CADM2: variants seen among roughly 807,000 people sequenced by gnomAD.
CADM2 encodes immunoglobulin superfamily member 4D.
A neutral mutation model predicts 49.8 loss-of-function variants in CADM2; 12 were observed. That is an observed-to-expected ratio of 0.24 (90% CI 0.15 to 0.39). The LOEUF (loss-of-function observed/expected upper bound fraction) is 0.39, where lower values mean the gene tolerates loss of function less well. Among genes scored for constraint, CADM2 ranks in the 10% least tolerant of loss-of-function variants. The pLI, the probability that CADM2 is intolerant of heterozygous loss-of-function variation, is 1.00. For missense variants in CADM2, 378 were observed against 492.3 expected (o/e 0.77, Z 2.20); for synonymous variants, 214 against 175.4 (o/e 1.22, Z -1.74).
intron 1 of CADM2, among the ~76,000 whole-genome samples, chr3:85,007,454 A>C (rs1003159044): frequency 6.6e-6 from 1 of 152,202 alleles, no homozygotes; most frequent in African/African-American, 2.4e-5. Flanking sequence ...CCATGTGCCA[A>C]TGTCCAAAGT....
chr3:85,240,700 G>A (rs968169894), intron 1 of CADM2, among the ~76,000 whole-genome samples: 4 of 151,410 alleles, frequency 2.6e-5, no homozygotes, highest in Admixed American at 2.6e-4. Context: ...GATAAGCAAG[G>A]ATTTGAAGCT....
chr3:85,249,942 A>G (rs1229648330), intron 1 of CADM2, among the ~76,000 whole-genome samples: 3 of 151,854 alleles, frequency 2.0e-5, no homozygotes, highest in African/African-American at 7.2e-5. Context: ...TAAATTTCTA[A>G]TGAATTCTAT....
chr3:85,323,514 A>C (rs576361566), intron 1 of CADM2, among the ~76,000 whole-genome samples: 1 of 152,104 alleles, frequency 6.6e-6, no homozygotes, highest in Non-Finnish European at 1.5e-5. Context: ...CAAATCACTT[A>C]TGACCTATGC....
At chr3:85,703,895 T>A (rs12639137) in intron 1 of CADM2, among the ~76,000 whole-genome samples, 63,601 of 152,076 alleles carry the variant, frequency 0.42, 13,378 homozygotes, top group South Asian at 0.49. Flanking sequence ...AAACAGTGTC[T>A]TTCAAAATGT....
chr3:85,125,892 A>G (rs2039018426), intron 1 of CADM2, among the ~76,000 whole-genome samples: 2 of 152,324 alleles, frequency 1.3e-5, no homozygotes, highest in South Asian at 4.1e-4. Flanking sequence ...TTATCTGTAA[A>G]ATTAGAAGCC....
chr3:85,453,570 A>G (rs2037850296), intron 1 of CADM2, among the ~76,000 whole-genome samples: 3 of 152,138 alleles, frequency 2.0e-5, no homozygotes, highest in Admixed American at 1.3e-4. Flanking sequence ...CACAGTCCAG[A>G]ATATTTTCAT....
intron 1 of CADM2, among the ~76,000 whole-genome samples, chr3:85,190,040 C>T (rs1215944065): frequency 1.3e-5 from 2 of 148,236 alleles, no homozygotes; most frequent in East Asian, 4.0e-4. Flanking sequence ...GACAGACACC[C>T]AGTGAGGGAG....
rs369319116 is a variant in CADM2 at position 85,689,235 on chromosome 3, C to T, written c.62-37287C>T. Among the ~76,000 whole-genome samples the T allele has an allele frequency of 7.2e-5, 11 of 152,216 alleles. No individual in the cohort carries two copies. The South Asian group carries it at 1.5e-3, about 20-fold the overall frequency. On this transcript the variant is annotated intron_variant, in intron 1 of 9. Transcript: ENST00000383699. ...CTAAACTGTAATGACAGAACGATCA[C>T]GGGAACCTGTGGATGGAGGTGGGGG...
At chr3:85,185,330 G>T (rs1006286960) in intron 1 of CADM2, among the ~76,000 whole-genome samples, 22 of 144,956 alleles carry the variant, frequency 1.5e-4, no homozygotes, top group Non-Finnish European at 4.6e-5. Context: ...AACAAAAAAT[G>T]AAAAAAAAAA....
chr3:85,033,289 AT>A (rs2035066034), intron 1 of CADM2, among the ~76,000 whole-genome samples: 1 of 152,160 alleles, frequency 6.6e-6, no homozygotes, highest in African/African-American at 2.4e-5. Flanking sequence ...CCTGATTGGA[AT>A]TTTACTCCCA....
chr3:85,302,302 A>G (rs2044121007), intron 1 of CADM2, among the ~76,000 whole-genome samples: 1 of 152,042 alleles, frequency 6.6e-6, no homozygotes, highest in African/African-American at 2.4e-5. Context: ...TCCAGGATAC[A>G]TCCCAGACTT....
At chr3:84,966,878 A>G (rs375979663) in intron 1 of CADM2, among the ~76,000 whole-genome samples, 1 of 152,060 alleles carries the variant, frequency 6.6e-6, no homozygotes, top group South Asian at 2.1e-4. Context: ...TCCAGGGGTT[A>G]AATACTGATG....
chr3:85,109,901 T>C (rs1197813874), intron 1 of CADM2, among the ~76,000 whole-genome samples: 1 of 151,936 alleles, frequency 6.6e-6, no homozygotes, highest in Non-Finnish European at 1.5e-5. Flanking sequence ...AGCTGTGAAA[T>C]TTTTGATGTT....
chr3:84,968,071 C>G (rs901968644), intron 1 of CADM2, among the ~76,000 whole-genome samples: 1 of 151,824 alleles, frequency 6.6e-6, no homozygotes, highest in African/African-American at 2.4e-5. Context: ...TGGAATTCTC[C>G]CACTGTTATA....
chr3:85,136,842 A>G (rs1385630808), intron 1 of CADM2, among the ~76,000 whole-genome samples: 1 of 151,994 alleles, frequency 6.6e-6, no homozygotes, highest in Non-Finnish European at 1.5e-5. Context: ...ATGCATTTTA[A>G]ACATACTACC....
intron 1 of CADM2, among the ~76,000 whole-genome samples, chr3:85,231,056 G>C (rs963929696): frequency 1.3e-5 from 2 of 150,772 alleles, no homozygotes; most frequent in Non-Finnish European, 2.9e-5. Context: ...GTCCTGATAT[G>C]GTCACCCTTG....
At chr3:85,112,936 G>A (rs2038514204) in intron 1 of CADM2, among the ~76,000 whole-genome samples, 1 of 151,446 alleles carries the variant, frequency 6.6e-6, no homozygotes, top group South Asian at 2.1e-4. Flanking sequence ...TATTTTATAT[G>A]TATTTATATT....
At chr3:85,638,931 TGAA>T (rs777127148) in intron 1 of CADM2, among the ~76,000 whole-genome samples, 117 of 152,192 alleles carry the variant, frequency 7.7e-4, no homozygotes, top group Non-Finnish European at 1.3e-3. Flanking sequence ...TGTTTTGTTT[TGAA>T]GAAGAAGAAG....
chr3:85,560,240 T>C (rs2062059693), intron 1 of CADM2, among the ~76,000 whole-genome samples: 1 of 152,194 alleles, frequency 6.6e-6, no homozygotes, highest in Non-Finnish European at 1.5e-5. Context: ...AACAGCCTTA[T>C]TCTGCACGAG....
Sources: gnomAD v4.1 joint callset for allele counts (sites outside exome capture counted in the v4.1 genomes callset) on GRCh38, gnomAD v4.1.1 for gene constraint, MANE v1.5 for transcripts, NCBI Gene and HGNC (gene_info 2026-07-23, HGNC 2026-07-21) for gene names.